Variants in VAC14 observed in about 807,000 individuals in gnomAD.
VAC14 encodes the protein protein VAC14 homolog.
In VAC14, 47 loss-of-function variants were observed where a neutral mutation model predicts 85.3. That is an observed-to-expected ratio of 0.55 (90% CI 0.44 to 0.70). VAC14 has a LOEUF of 0.70. Ranked by LOEUF, VAC14 falls within the 30% of genes least tolerant of loss-of-function variation. VAC14 has a pLI of 0.00. For missense variants in VAC14, 861 were observed against 1,004.3 expected (o/e 0.86, Z 1.93); for synonymous variants, 447 against 430.5 (o/e 1.04, Z -0.47).
chr16:70,781,920 C>A lies in VAC14; in HGVS notation c.895G>T (p.Gly299Trp). 1.9e-6 allele frequency: 3 copies of A among 1,614,130 alleles called. No homozygotes were observed. The highest frequency in any genetic ancestry group is 2.5e-6 in the Non-Finnish European group (3 of 1,180,028). ...CAGGGCAAGACAGCAGTCAGGATCC[C>A]GGAGGAGTAAGGCAGCATGACGCGG... ...AGRVMLPYSS[G>W]ILTAVLPCLA... Residue 299 changes from glycine (G) to tryptophan (W), a missense_variant, in exon 8 of 19, where the codon GGG (glycine) becomes TGG (tryptophan). This residue lies in a region of VAC14 where 629 missense variants were observed against 703.1 expected (regional missense o/e 0.89). Coordinates refer to ENST00000261776, the MANE Select transcript of VAC14 (RefSeq NM_018052.5).
chr16:70,691,071 A>G, intron 18 of VAC14: 1 of 985,506 alleles, frequency 1.0e-6, no homozygotes, highest in African/African-American at 1.7e-5. Flanking sequence ...TTCTACCCAG[A>G]GGCCTCAACC....
intron 18 of VAC14, chr16:70,688,799 G>A: frequency 2.0e-6 from 2 of 985,612 alleles, no homozygotes; most frequent in Non-Finnish European, 1.2e-6. Flanking sequence ...GTCAAGCCCA[G>A]TGCTTAGCTT....
chr16:70,792,156 G>A (rs2034369146), intron 1 of VAC14, among the ~76,000 whole-genome samples: 1 of 152,138 alleles, frequency 6.6e-6, no homozygotes, highest in Non-Finnish European at 1.5e-5. Flanking sequence ...AGCCTGTGGT[G>A]TGGTCTCTAC....
At chr16:70,710,435 C>T (rs974597171) in intron 14 of VAC14, among the ~76,000 whole-genome samples, 3 of 152,192 alleles carry the variant, frequency 2.0e-5, no homozygotes, top group Non-Finnish European at 4.4e-5. Flanking sequence ...CCCTGCAAAC[C>T]GCAGGGGGAC....
intron 18 of VAC14, chr16:70,691,924 C>G (rs1242098061): frequency 5.1e-6 from 5 of 985,176 alleles, no homozygotes; most frequent in Non-Finnish European, 6.0e-6. Context: ...GAGCAAGGCG[C>G]CAGGCCTGCT....
At chr16:70,739,124 C>A (rs563874407) in intron 13 of VAC14, among the ~76,000 whole-genome samples, 1 of 152,336 alleles carries the variant, frequency 6.6e-6, no homozygotes, top group East Asian at 1.9e-4. Context: ...CATGTGGGAG[C>A]TCACAGAGCC....
intron 14 of VAC14, among the ~76,000 whole-genome samples, chr16:70,711,452 G>A (rs1004673458): frequency 5.9e-5 from 9 of 151,968 alleles, no homozygotes; most frequent in Admixed American, 3.9e-4. Context: ...CCTGGTTTAC[G>A]TTTCTGCTTG....
At chr16:70,741,396 G>A (rs998087312) in intron 13 of VAC14, among the ~76,000 whole-genome samples, 3 of 152,210 alleles carry the variant, frequency 2.0e-5, no homozygotes, top group African/African-American at 4.8e-5. Context: ...GAGGTGGGGG[G>A]GCGGGGAAGC....
chr16:70,693,454 G>C (rs2053640766), intron 17 of VAC14, among the ~76,000 whole-genome samples: 3 of 152,374 alleles, frequency 2.0e-5, no homozygotes, highest in South Asian at 4.1e-4. Context: ...GATTAGGACA[G>C]CTTTAAGAGA....
intron 15 of VAC14, among the ~76,000 whole-genome samples, chr16:70,698,380 T>C (rs2053755895): frequency 6.6e-6 from 1 of 152,138 alleles, no homozygotes; most frequent in Admixed American, 6.5e-5. Flanking sequence ...AAGGCAGGGC[T>C]GCTGGGGGGT....
intron 12 of VAC14, chr16:70,747,724 G>C (rs1210267191): frequency 6.6e-6 from 1 of 152,250 alleles, no homozygotes; most frequent in Admixed American, 6.5e-5. Flanking sequence ...TGCACAGGGG[G>C]ACAGAGGCAC....
intron 18 of VAC14, chr16:70,689,704 T>C: frequency 1.0e-6 from 1 of 985,568 alleles, no homozygotes; most frequent in Non-Finnish European, 1.2e-6. Context: ...CTAGCGGGGC[T>C]CAGCTGACTT....
chr16:70,781,479 C>A (rs755319527), intron 8 of VAC14, among the ~76,000 whole-genome samples: 2 of 152,158 alleles, frequency 1.3e-5, no homozygotes, highest in Non-Finnish European at 2.9e-5. Flanking sequence ...ACAGGCTGTC[C>A]GAACTGAGCC....
chr16:70,758,574 G>T (rs1410505013), intron 12 of VAC14, among the ~76,000 whole-genome samples: 1 of 152,184 alleles, frequency 6.6e-6, no homozygotes, highest in East Asian at 1.9e-4. Flanking sequence ...CATGGAGAGG[G>T]CCCCCATCCC....
intron 12 of VAC14, chr16:70,755,194 T>C: frequency 2.9e-6 from 1 of 341,038 alleles, no homozygotes; most frequent in South Asian, 2.1e-5. Flanking sequence ...GTCAGCCAGG[T>C]GGAAGATGGA....
At chr16:70,690,445 G>A (rs908563675) in intron 18 of VAC14, 10 of 985,454 alleles carry the variant, frequency 1.0e-5, no homozygotes, top group East Asian at 1.1e-4. Context: ...ACTCAGGGCC[G>A]GCTCTCACTC....
intron 1 of VAC14, among the ~76,000 whole-genome samples, chr16:70,794,637 G>A (rs1423361759): frequency 2.6e-5 from 4 of 152,210 alleles, no homozygotes; most frequent in Non-Finnish European, 5.9e-5. Context: ...TCCCAAGTCC[G>A]TAAGATAATC....
rs796563956 is a variant in VAC14, at chr16:70,710,912, T to C, written c.1662-12101A>G. On this transcript the variant is annotated intron_variant, in intron 14 of 18. Transcript: ENST00000261776. Reference sequence around the variant, plus strand: ...TAGTCTCTCGTGTTCCCGTGGCAACTTTCCTTCAAAGGACCTCCTGCGCTC... The same window carrying C: ...TAGTCTCTCGTGTTCCCGTGGCAACCTTCCTTCAAAGGACCTCCTGCGCTC... 3.2e-4 allele frequency among the ~76,000 whole-genome samples: 49 copies of C among 152,366 alleles called. 1 individual carries two copies. Among genetic ancestry groups the C allele is most frequent in the African/African-American group, 1.1e-3 (44 of 41,588 alleles).
chr16:70,790,218 T>C (rs879789520), intron 1 of VAC14, among the ~76,000 whole-genome samples: 8 of 152,218 alleles, frequency 5.3e-5, no homozygotes, highest in Non-Finnish European at 7.3e-5. Context: ...AGGGATGTAC[T>C]AGGGCTCTAT....
Sources: gnomAD v4.1 joint callset for allele counts (sites outside exome capture counted in the v4.1 genomes callset) on GRCh38, gnomAD v4.1.1 for gene constraint, gnomAD v4.1.1 regional missense constraint, MANE v1.5 for transcripts, NCBI Gene and HGNC (gene_info 2026-07-23, HGNC 2026-07-21) for gene names.